The following RGS13 variants were observed in gnomAD, a reference collection of about 807,000 sequenced individuals.
RGS13 encodes regulator of G protein signaling 13.
RGS13 carries 14 observed loss-of-function variants against 19.9 expected under a neutral mutation model. That is an observed-to-expected ratio of 0.70 (90% confidence interval 0.46 to 1.10). The LOEUF (loss-of-function observed/expected upper bound fraction) is 1.10, where lower values mean the gene tolerates loss of function less well. Ranked by LOEUF, RGS13 falls within the 50% of genes least tolerant of loss-of-function variation. The probability of loss-of-function intolerance (pLI) is 0.00; values close to 1 mark genes in which losing one functional copy is unlikely to be tolerated. For synonymous variants in RGS13, 60 were observed against 56.8 expected, an observed-to-expected ratio of 1.06 and a Z score of -0.25; for missense variants, 205 against 187.1, an observed-to-expected ratio of 1.10 and a Z score of -0.56.
intron 3 of RGS13, among the ~76,000 whole-genome samples, chr1:192,640,036 A>G (rs887872895): frequency 6.6e-6 from 1 of 152,186 alleles, no homozygotes; most frequent in African/African-American, 2.4e-5. Flanking sequence ...ACATAGCTCC[A>G]ATAGATCAAG....
chr1:192,657,234 ATTG>A (rs1231218509), intron 5 of RGS13, among the ~76,000 whole-genome samples: 1 of 152,042 alleles, frequency 6.6e-6, no homozygotes, highest in Admixed American at 6.6e-5. Context: ...TGAAAGTTAC[ATTG>A]TTGTTTTATC....
At chr1:192,641,302 G>GAAAGAAAGA (rs1553257024) in intron 3 of RGS13, among the ~76,000 whole-genome samples, 8 of 125,316 alleles carry the variant, frequency 6.4e-5, no homozygotes, top group African/African-American at 1.1e-4. Context: ...AAGAAAGAAA[G>GAAAGAAAGA]AAAGAAAAGA....
chr1:192,640,775 A>T (rs1663090263), intron 3 of RGS13, among the ~76,000 whole-genome samples: 1 of 139,618 alleles, frequency 7.2e-6, no homozygotes, highest in African/African-American at 2.6e-5. Flanking sequence ...ATCTATACCT[A>T]TATTTTCACT....
Position 192,644,340 on chromosome 1 carries a change from C to T in RGS13, c.6C>T (p.Ser2=), listed in dbSNP as rs907777307. 3 of 1,607,864 alleles carry T rather than the reference C, an allele frequency of 1.9e-6. No individual in the cohort carries two copies. Among genetic ancestry groups the T allele is most frequent in the South Asian group, 1.1e-5 (1 of 90,288 alleles). M[S]RRNCWICKMC... is the part of the protein sequence containing the mutation. ...TACTGTATTTCCTTAGAAAAATGAG[C>T]AGGCGGAATTGTTGGATTTGTAAGA... Residue 2 remains serine (S), a synonymous_variant, in exon 4 of 7, where the codon AGC becomes AGT. Transcript: ENST00000391995.
chr1:192,656,624 G>C (rs1179515080), intron 5 of RGS13, among the ~76,000 whole-genome samples: 15 of 151,884 alleles, frequency 9.9e-5, no homozygotes, highest in Admixed American at 9.9e-4. Flanking sequence ...TATCTCAACT[G>C]TCCTCTTAAC....
chr1:192,654,112 C>T (rs1243782036), intron 5 of RGS13, among the ~76,000 whole-genome samples: 1 of 151,440 alleles, frequency 6.6e-6, no homozygotes, highest in Non-Finnish European at 1.5e-5. Context: ...AAAAAATATA[C>T]ATTATATATA....
At chr1:192,653,413 C>T (rs1404644893) in intron 5 of RGS13, among the ~76,000 whole-genome samples, 3 of 152,074 alleles carry the variant, frequency 2.0e-5, no homozygotes, top group African/African-American at 4.8e-5. Flanking sequence ...AGCAATTTTA[C>T]AATATGTATC....
intron 1 of RGS13, among the ~76,000 whole-genome samples, 189 bp downstream of exon 1, chr1:192,636,506 G>A: frequency 6.6e-6 from 1 of 151,958 alleles, no homozygotes; most frequent in East Asian, 1.9e-4. Context: ...AAAACTTAGA[G>A]TCACTCCTTA....
At chr1:192,652,889 A>T (rs551809329) in intron 5 of RGS13, among the ~76,000 whole-genome samples, 1 of 152,168 alleles carries the variant, frequency 6.6e-6, no homozygotes, top group South Asian at 2.1e-4. Flanking sequence ...GAATGGGAGG[A>T]TAATGGAAGG....
At chr1:192,655,731 T>G (rs1333550019) in intron 5 of RGS13, among the ~76,000 whole-genome samples, 2 of 152,030 alleles carry the variant, frequency 1.3e-5, no homozygotes, top group Non-Finnish European at 2.9e-5. Context: ...ATAGTATATA[T>G]AGAATACTGT....
intron 2 of RGS13, among the ~76,000 whole-genome samples, 176 bp from the exon 3 acceptor site, chr1:192,637,988 G>A (rs12045041): frequency 0.033 from 4,992 of 152,108 alleles, 216 homozygotes; most frequent in East Asian, 0.11. Flanking sequence ...AATTGTAAAT[G>A]TGAGAGGATT....
chr1:192,642,087 T>A (rs1663132090), intron 3 of RGS13, among the ~76,000 whole-genome samples: 1 of 152,144 alleles, frequency 6.6e-6, no homozygotes, highest in Non-Finnish European at 1.5e-5. Flanking sequence ...AATCTTAACA[T>A]GTCTATTCTG....
intron 3 of RGS13, among the ~76,000 whole-genome samples, chr1:192,642,152 T>G (rs1355375064): frequency 6.6e-6 from 1 of 152,172 alleles, no homozygotes; most frequent in Non-Finnish European, 1.5e-5. Context: ...CCATGGCCTG[T>G]GTGGCTCAAC....
intron 5 of RGS13, among the ~76,000 whole-genome samples, chr1:192,656,667 C>T (rs1050036777): frequency 4.6e-5 from 7 of 152,068 alleles, no homozygotes; most frequent in African/African-American, 1.4e-4. Context: ...TGAACCGTAT[C>T]CCATGCAGTG....
At chr1:192,647,806 A>G in intron 4 of RGS13, 120 bp from the exon 5 acceptor site, 1 of 490,522 alleles carries the variant, frequency 2.0e-6, no homozygotes. Flanking sequence ...AACCAAAGCC[A>G]CACACAAATG....
In RGS13 at chr1:192,658,295, C is replaced by T. The variant is rs750255257; in HGVS notation, c.222C>T (p.Ala74=). The change falls in exon 6 of 7, where the codon GCC becomes GCT. Residue 74 remains alanine, a synonymous_variant. Coordinates refer to ENST00000391995, the MANE Select transcript of RGS13 (RefSeq NM_002927.5). ...WMACETYKKI[A]SRWSRISRAK... is the part of the protein sequence containing the mutation. ...CATGTGAAACCTATAAGAAAATTGC[C>T]TCACGGTGGAGCAGAATTTCTAGGG... 3.1e-6 allele frequency: 5 copies of T among 1,613,526 alleles called. No homozygotes were observed. In the South Asian group the frequency reaches 5.5e-5, roughly 18 times the overall value.
intron 1 of RGS13, among the ~76,000 whole-genome samples, 160 bp downstream of exon 1, chr1:192,636,477 G>A (rs576797494): frequency 6.6e-6 from 1 of 151,952 alleles, no homozygotes; most frequent in East Asian, 1.9e-4. Context: ...TCTTTTGCCT[G>A]GCTTTCTATA....
intron 5 of RGS13, among the ~76,000 whole-genome samples, chr1:192,657,000 A>G (rs1003551844): frequency 1.1e-4 from 16 of 152,098 alleles, no homozygotes; most frequent in African/African-American, 3.9e-4. Context: ...TCATAATAGT[A>G]AATGATATTG....
chr1:192,643,387 ACT>A (rs1341856002), intron 3 of RGS13, among the ~76,000 whole-genome samples: 1 of 152,108 alleles, frequency 6.6e-6, no homozygotes, highest in Non-Finnish European at 1.5e-5. Context: ...GGATTTAATG[ACT>A]CTTAACAAAT....
Sources: gnomAD v4.1 joint callset for allele counts (sites outside exome capture counted in the v4.1 genomes callset) on GRCh38, gnomAD v4.1.1 for gene constraint, MANE v1.5 for transcripts, NCBI Gene and HGNC (gene_info 2026-07-23, HGNC 2026-07-21) for gene names.